MFSD11: variants seen among roughly 807,000 people sequenced by gnomAD.
MFSD11 encodes the protein UNC93-like protein MFSD11.
A neutral mutation model predicts 53.5 loss-of-function variants in MFSD11; 36 were observed. The ratio of observed to expected loss-of-function variants is 0.67; its 90% CI spans 0.52 to 0.89. The LOEUF (loss-of-function observed/expected upper bound fraction) is 0.89, where lower values mean the gene tolerates loss of function less well. Among genes scored for constraint, MFSD11 ranks in the 40% least tolerant of loss-of-function variants. The pLI is 0.00. For synonymous variants in MFSD11, 186 were observed against 184.9 expected (o/e 1.01, Z -0.05); for missense variants, 530 against 543.9 (o/e 0.97, Z 0.25).
At chr17:76,788,022 G>GTTT in the MFSD11 span, among the ~76,000 whole-genome samples, 3,696 of 144,162 alleles carry the variant, frequency 0.026, 256 homozygotes, top group African/African-American at 0.089. Flanking sequence ...TTTGTTTGTG[G>GTTT]TTTTTTTTTT....
At position 76,776,680 on chromosome 17, in the gene MFSD11, A is replaced by G; in HGVS notation, c.1185+139A>G. 1.2e-6 allele frequency: 1 copy of G among 866,020 alleles called. No individual in the cohort carries two copies. Among genetic ancestry groups the G allele is most frequent in the South Asian group, 2.6e-5 (1 of 38,930 alleles). 53.6% of individuals were successfully genotyped at this position (866,020 alleles called of 1,614,324 possible). A position where few individuals can be genotyped will look rare whatever the true frequency, so the allele number is the denominator to read the frequency against. ...TTTTTTGATAGAGTCTCTCTCTGTC[A>G]CTCAGGCTGGAGTGCAGTAGCGCAA... On this transcript the variant is annotated intron_variant, in intron 12 of 12. Coordinates refer to ENST00000685175, the MANE Select transcript of MFSD11 (RefSeq NM_001242532.5). The surrounding 1 kb of genome is among the most constrained non-coding windows in gnomAD (Gnocchi z 4.2).
chr17:76,777,357 C>T (rs2081942537), intron 12 of MFSD11, among the ~76,000 whole-genome samples: 1 of 151,844 alleles, frequency 6.6e-6, no homozygotes, highest in South Asian at 2.1e-4. Flanking sequence ...TCTCTGCCTC[C>T]CAAGTAGGTG....
At chr17:76,791,192 A>T in the MFSD11 span, among the ~76,000 whole-genome samples, 1 of 148,692 alleles carries the variant, frequency 6.7e-6, no homozygotes, top group African/African-American at 2.5e-5. Flanking sequence ...TGATGTTCTT[A>T]TCAAGAGTAG....
chr17:76,747,098 A>G (rs1366591074), intron 7 of MFSD11, among the ~76,000 whole-genome samples: 2 of 152,052 alleles, frequency 1.3e-5, no homozygotes, highest in East Asian at 1.9e-4. Flanking sequence ...AAGTCTTATT[A>G]TTTAAGAAAT....
intron 9 of MFSD11, among the ~76,000 whole-genome samples, chr17:76,768,932 G>T (rs956388953): frequency 6.7e-6 from 1 of 150,140 alleles, no homozygotes; most frequent in African/African-American, 2.5e-5. Context: ...GTTGCAGTGA[G>T]TTGAGATAGC....
intron 10 of MFSD11, among the ~76,000 whole-genome samples, chr17:76,771,788 C>G (rs932385638): frequency 6.6e-6 from 1 of 152,140 alleles, no homozygotes; most frequent in Non-Finnish European, 1.5e-5. Flanking sequence ...CCAGGTTGAT[C>G]AGAGTAACCT....
upstream of MFSD11, chr17:76,737,483 C>G (rs1434939893): frequency 3.0e-6 from 1 of 331,230 alleles, no homozygotes; most frequent in Non-Finnish European, 5.5e-6. Context: ...CGCCTGCGCA[C>G]AGCCCGGCGG....
the MFSD11 span, among the ~76,000 whole-genome samples, chr17:76,786,837 A>G: frequency 6.6e-6 from 1 of 152,036 alleles, no homozygotes; most frequent in Non-Finnish European, 1.5e-5. Context: ...GTTTTTTGAC[A>G]CGGAGTCTCG....
At chr17:76,750,408 G>A (rs1206308886) in intron 7 of MFSD11, among the ~76,000 whole-genome samples, 11 of 132,496 alleles carry the variant, frequency 8.3e-5, no homozygotes, top group Non-Finnish European at 1.7e-4. Flanking sequence ...TCACTCTGTC[G>A]CCCAGGCTGG....
the MFSD11 span, among the ~76,000 whole-genome samples, chr17:76,796,616 T>C: frequency 6.6e-6 from 1 of 152,076 alleles, no homozygotes; most frequent in Non-Finnish European, 1.5e-5. Flanking sequence ...CCCACAAGAC[T>C]ACCATTACCA....
intron 2 of MFSD11, among the ~76,000 whole-genome samples, chr17:76,739,384 T>G (rs2077829978): frequency 6.6e-6 from 1 of 152,238 alleles, no homozygotes; most frequent in Non-Finnish European, 1.5e-5. Flanking sequence ...TTGGTCCTTC[T>G]GTTTTTGTAA....
At position 76,738,969 on chromosome 17, in the gene MFSD11, A is replaced by C; in HGVS notation, c.128A>C (p.Asp43Ala). 1 of 1,613,982 alleles carries C rather than the reference A, an allele frequency of 6.2e-7. No individual in the cohort carries two copies. Residue 43 changes from aspartate (D) to alanine (A), a missense_variant, in exon 2 of 13, where the codon GAT becomes GCT. Transcript: ENST00000685175. ...QTVIRSLNRT[D>A]FHGSGYTSMA... ...GTCATCAGGAGCTTAAATAGGACAG[A>C]TTTTCACGGCAGTGGATATACCAGG... is the stretch of plus-strand genomic sequence containing the variant.
At chr17:76,798,825 C>T in the MFSD11 span, among the ~76,000 whole-genome samples, 1 of 151,544 alleles carries the variant, frequency 6.6e-6, no homozygotes, top group Non-Finnish European at 1.5e-5. Context: ...GTCAGGAGTT[C>T]GAGACCAGCC....
chr17:76,753,493 G>A (rs2079254067), intron 7 of MFSD11, among the ~76,000 whole-genome samples: 1 of 151,988 alleles, frequency 6.6e-6, no homozygotes, highest in African/African-American at 2.4e-5. Flanking sequence ...GCAACATGGT[G>A]AGACCCCGTC....
chr17:76,742,806 A>T (rs1287865813), intron 5 of MFSD11, among the ~76,000 whole-genome samples: 1 of 152,150 alleles, frequency 6.6e-6, no homozygotes, highest in Non-Finnish European at 1.5e-5. Context: ...GCCTGGCCTT[A>T]ACATTTTTCT....
chr17:76,766,611 A>G (rs896999909), intron 8 of MFSD11, among the ~76,000 whole-genome samples: 10 of 152,124 alleles, frequency 6.6e-5, no homozygotes, highest in Non-Finnish European at 1.0e-4. Flanking sequence ...GTTCAGTGAA[A>G]TTAGAGAAAA....
chr17:76,794,704 T>TG, the MFSD11 span, among the ~76,000 whole-genome samples: 4 of 87,436 alleles, frequency 4.6e-5, 2 homozygotes, highest in African/African-American at 1.1e-4. Context: ...TTTTTTTTTT[T>TG]TGTTTTGAGA....
chr17:76,797,181 AAAAAG>A, the MFSD11 span, among the ~76,000 whole-genome samples: 492 of 152,284 alleles, frequency 3.2e-3, 3 homozygotes, highest in Non-Finnish European at 3.9e-3. Context: ...TTAAAAAAGA[AAAAAG>A]AAAAAAGAAA....
upstream of MFSD11, chr17:76,737,191 A>C: frequency 2.0e-6 from 3 of 1,514,952 alleles, no homozygotes; most frequent in Non-Finnish European, 2.7e-6. Context: ...AGCCCCGCGA[A>C]CTGGCGCCGG....
Sources: allele counts gnomAD v4.1 joint callset (sites outside exome capture counted in the v4.1 genomes callset), GRCh38; gene constraint gnomAD v4.1.1; non-coding constraint Gnocchi (gnomAD v3.1); transcripts MANE v1.5; gene names NCBI Gene and HGNC (gene_info 2026-07-23, HGNC 2026-07-21).